Variants in TAB2 observed in about 807,000 individuals in gnomAD.
TAB2 encodes the protein TGF-beta-activated kinase 1 and MAP3K7-binding protein 2.
TAB2 carries 3 observed loss-of-function variants against 65.0 expected under a neutral mutation model. The observed-to-expected ratio is 0.05, with a 90% CI of 0.02 to 0.12. TAB2 has a LOEUF of 0.12. TAB2 is among the 10% of genes least tolerant of loss of function. The pLI, the probability that TAB2 is intolerant of heterozygous loss-of-function variation, is 1.00. For missense variants in TAB2, 623 were observed against 840.3 expected (o/e 0.74, Z 3.20); for synonymous variants, 298 against 285.1 (o/e 1.05, Z -0.46).
At chr6:149,313,368 A>G (rs962955213), upstream of TAB2, among the ~76,000 whole-genome samples, 3 of 151,766 alleles carry the variant, frequency 2.0e-5, no homozygotes, top group Non-Finnish European at 4.4e-5. Flanking sequence ...GTTGCCCCTG[A>G]TTTCTGTACA....
At chr6:149,376,578 A>G (rs559628597) in intron 2 of TAB2, among the ~76,000 whole-genome samples, 45 of 152,280 alleles carry the variant, frequency 3.0e-4, no homozygotes, top group African/African-American at 1.1e-3. Context: ...CAAGTTCTAC[A>G]TATTCTATGA....
intron 1 of TAB2, among the ~76,000 whole-genome samples, chr6:149,349,187 G>C (rs1460177759): frequency 6.6e-6 from 1 of 151,904 alleles, no homozygotes; most frequent in Non-Finnish European, 1.5e-5. Context: ...TTGGGAGACT[G>C]AGGCGGGTTG....
At chr6:149,251,174 T>A (rs1368161480) in intron 1 of TAB2, among the ~76,000 whole-genome samples, 3 of 152,218 alleles carry the variant, frequency 2.0e-5, no homozygotes, top group Non-Finnish European at 4.4e-5. Context: ...TAGAGATGAC[T>A]GTAAACGTGG....
chr6:149,288,313 CAG>C (rs1212676186), intron 1 of TAB2, among the ~76,000 whole-genome samples: 1 of 152,204 alleles, frequency 6.6e-6, no homozygotes, highest in Non-Finnish European at 1.5e-5. Context: ...TAGCAGAGAA[CAG>C]AGTTACAAGT....
upstream of TAB2, among the ~76,000 whole-genome samples, chr6:149,316,027 A>C (rs746665985): frequency 2.0e-5 from 3 of 152,348 alleles, no homozygotes; most frequent in Non-Finnish European, 2.9e-5. Context: ...GACAAGTGAA[A>C]TTTACTTAAT....
rs923428062 is a variant in TAB2 at position 149,378,950 on chromosome 6, A to G, written c.1035A>G (p.Gly345=). 3 of 1,614,054 alleles carry G rather than the reference A, an allele frequency of 1.9e-6. No individual in the cohort carries two copies. In the African/African-American group the frequency reaches 4.0e-5, roughly 22 times the overall value. Residue 345 remains glycine (G), a synonymous_variant, in exon 3 of 7, where the codon GGA becomes GGG. Transcript: ENST00000637181. ...RNNSSKLRSS[G]PRTSSTSSSV... is the part of the protein sequence containing the mutation. ...ATTCTTCAAAACTGCGTTCTTCTGG[A>G]CCTCGAACCTCCAGCACTTCCTCTT... is the stretch of plus-strand genomic sequence containing the variant.
chr6:149,303,910 A>C (rs572328952), intron 1 of TAB2, among the ~76,000 whole-genome samples: 24 of 152,352 alleles, frequency 1.6e-4, no homozygotes, highest in African/African-American at 4.8e-4. Context: ...GGGAGGCGCA[A>C]AGCCAGTGCT....
At chr6:149,287,009 C>T (rs1410350799) in intron 1 of TAB2, among the ~76,000 whole-genome samples, 3 of 152,010 alleles carry the variant, frequency 2.0e-5, no homozygotes, top group Admixed American at 6.6e-5. Flanking sequence ...CTCAGCTACT[C>T]GGGAGGCTCA....
rs562429239 is a variant in TAB2 at position 149,373,880 on chromosome 6, A to G, written c.102+3781A>G. On this transcript the variant is annotated intron_variant, in intron 2 of 6. Transcript: ENST00000637181. Reference sequence around the variant, plus strand: ...CTGGAGTAGATGTACATGATAAGCTAGAACATCTTGTCATATCAGAAAGCA... The same window carrying G: ...CTGGAGTAGATGTACATGATAAGCTGGAACATCTTGTCATATCAGAAAGCA... Among the ~76,000 whole-genome samples, 8 of 152,352 alleles carry G rather than the reference A, an allele frequency of 5.3e-5. No individual in the cohort carries two copies. The South Asian group carries it at 1.7e-3, about 32-fold the overall frequency.
chr6:149,296,607 T>C (rs1778881363), intron 1 of TAB2, among the ~76,000 whole-genome samples: 1 of 152,150 alleles, frequency 6.6e-6, no homozygotes, highest in Non-Finnish European at 1.5e-5. Flanking sequence ...TAGATTAACA[T>C]TATTGTAAAC....
At chr6:149,303,327 T>C (rs1187375058) in intron 1 of TAB2, among the ~76,000 whole-genome samples, 1 of 152,202 alleles carries the variant, frequency 6.6e-6, no homozygotes, top group South Asian at 2.1e-4. Flanking sequence ...GGAAAAACTG[T>C]CTTCCACAAA....
intron 1 of TAB2, among the ~76,000 whole-genome samples, chr6:149,276,449 A>G (rs1224205261): frequency 6.6e-6 from 1 of 152,224 alleles, no homozygotes. Flanking sequence ...TACTTTAACA[A>G]GAATTTGATG....
intron 1 of TAB2, among the ~76,000 whole-genome samples, chr6:149,262,804 CT>C (rs1327631680): frequency 1.3e-5 from 2 of 151,538 alleles, no homozygotes; most frequent in African/African-American, 4.8e-5. Context: ...TTTCCTTTTT[CT>C]TTTTTTTATT....
At chr6:149,392,713 T>C (rs1782031496) in intron 3 of TAB2, among the ~76,000 whole-genome samples, 1 of 152,224 alleles carries the variant, frequency 6.6e-6, no homozygotes, top group South Asian at 2.1e-4. Context: ...TTAATTGCCT[T>C]CTTTTTCTTA....
At chr6:149,260,379 T>A (rs1456429991) in intron 1 of TAB2, among the ~76,000 whole-genome samples, 1 of 151,992 alleles carries the variant, frequency 6.6e-6, no homozygotes, top group Non-Finnish European at 1.5e-5. Context: ...GGCTTTGGAG[T>A]GGGGAGTGCG....
intron 1 of TAB2, among the ~76,000 whole-genome samples, chr6:149,237,250 T>C (rs1457226655): frequency 1.3e-5 from 2 of 152,212 alleles, no homozygotes; most frequent in Non-Finnish European, 2.9e-5. Flanking sequence ...ATACAGAAGT[T>C]CATTTTTTTC....
intron 2 of TAB2, among the ~76,000 whole-genome samples, chr6:149,375,804 AGTAT>A (rs1205650930): frequency 6.6e-6 from 1 of 152,192 alleles, no homozygotes; most frequent in African/African-American, 2.4e-5. Flanking sequence ...TTGAAAAATT[AGTAT>A]GTATCAATTA....
intron 6 of TAB2, among the ~76,000 whole-genome samples, chr6:149,403,230 T>C (rs1421104535): frequency 9.6e-6 from 1 of 104,548 alleles, no homozygotes; most frequent in Non-Finnish European, 1.8e-5. Flanking sequence ...GCGAAACTCT[T>C]GTCTAAAAAA....
At chr6:149,328,111 G>A (rs1299832896) in intron 1 of TAB2, among the ~76,000 whole-genome samples, 1 of 152,070 alleles carries the variant, frequency 6.6e-6, no homozygotes, top group East Asian at 1.9e-4. Flanking sequence ...AGATTGAAGT[G>A]GTCATCTTAA....
Sources: allele counts gnomAD v4.1 joint callset (sites outside exome capture counted in the v4.1 genomes callset), GRCh38; gene constraint gnomAD v4.1.1; transcripts MANE v1.5; gene names NCBI Gene and HGNC (gene_info 2026-07-23, HGNC 2026-07-21).